Variants in CASTOR2 observed in about 807,000 individuals in gnomAD.
CASTOR2 encodes cytosolic arginine sensor for mTORC1 subunit 2, also known as GATS protein like 2.
Under a neutral mutation model 31.2 loss-of-function variants are expected in CASTOR2, and 8 were observed. That is an observed-to-expected ratio of 0.26 (90% CI 0.15 to 0.46). CASTOR2 has a LOEUF of 0.46. CASTOR2 is among the 20% of genes least tolerant of loss of function. The pLI is 0.99. For synonymous variants in CASTOR2, 162 were observed against 158.7 expected (o/e 1.02, Z -0.16); for missense variants, 216 against 382.1 (o/e 0.57, Z 3.62).
Position 75,024,740 on chromosome 7 carries a change from G to T in CASTOR2, c.*41G>T, listed in dbSNP as rs1396555447. On this transcript the variant is annotated 3_prime_UTR_variant, in exon 9 of 9. Transcript: ENST00000616305. ...TCCTCCCTGCCGCCGCCCGGGCCCA[G>T]CCCTAACCCTGAAGATTGATCTTGC... 9 of 1,551,562 alleles carry T rather than the reference G, an allele frequency of 5.8e-6. No homozygotes were observed. The highest frequency in any genetic ancestry group is 7.8e-6 in the Non-Finnish European group (9 of 1,146,842).
chr7:74,998,077 C>T (rs1210510230), intron 1 of CASTOR2, among the ~76,000 whole-genome samples: 1 of 151,942 alleles, frequency 6.6e-6, no homozygotes, highest in Non-Finnish European at 1.5e-5. Flanking sequence ...TGCTACAAGT[C>T]CCCCCTGCCT....
At chr7:74,999,122 A>C (rs1327241729) in intron 1 of CASTOR2, among the ~76,000 whole-genome samples, 1 of 151,788 alleles carries the variant, frequency 6.6e-6, no homozygotes, top group Non-Finnish European at 1.5e-5. Flanking sequence ...CAGCCTCCCG[A>C]GTAGCTGGGA....
At chr7:75,001,561 C>T (rs1251134429) in intron 1 of CASTOR2, among the ~76,000 whole-genome samples, 1 of 152,188 alleles carries the variant, frequency 6.6e-6, no homozygotes, top group Non-Finnish European at 1.5e-5. Flanking sequence ...GAACTGGAGA[C>T]CTTAGCTTCT....
intron 6 of CASTOR2, among the ~76,000 whole-genome samples, chr7:75,020,490 ATTT>A (rs587738996): frequency 5.9e-5 from 5 of 84,386 alleles, no homozygotes; most frequent in Non-Finnish European, 4.8e-5. Flanking sequence ...CTCAGGCGTG[ATTT>A]TTTTTTTTTT....
chr7:74,999,228 T>C lies in CASTOR2; in HGVS notation c.114-8766T>C, dbSNP rs1455384244. Among the ~76,000 whole-genome samples, 206 of 152,156 alleles carry C rather than the reference T, an allele frequency of 1.4e-3. 1 individual carries two copies. The highest frequency in any genetic ancestry group is 7.7e-3 in the Admixed American group (117 of 15,262). Reference sequence around the variant, plus strand: ...GGTTTAACCGTGTTAGCCAGGATGGTCTCGATCTCCTGACCTCGTGATCCA... The same window carrying C: ...GGTTTAACCGTGTTAGCCAGGATGGCCTCGATCTCCTGACCTCGTGATCCA... On this transcript the variant is annotated intron_variant, in intron 1 of 8. Transcript: ENST00000616305.
chr7:74,999,778 C>T (rs1244579848), intron 1 of CASTOR2, among the ~76,000 whole-genome samples: 4 of 151,962 alleles, frequency 2.6e-5, no homozygotes, highest in African/African-American at 7.3e-5. Flanking sequence ...CCACCATGCC[C>T]AGCTAATTTT....
rs1805091398 is a variant in CASTOR2, at chr7:75,025,111, G to T, written c.*412G>T. The stretch of plus-strand genomic sequence containing the variant: ...CACCTTGCAGGGCTGGGGCTGGCGG[G>T]GTGGGGCCGAGTTTGGGGTGCCCTG... On this transcript the variant is annotated 3_prime_UTR_variant, in exon 9 of 9. Transcript: ENST00000616305. Among the ~76,000 whole-genome samples the T allele has an allele frequency of 6.6e-6, 1 of 152,218 alleles. No homozygotes were observed. Among genetic ancestry groups the T allele is most frequent in the Non-Finnish European group, 1.5e-5 (1 of 68,036 alleles).
chr7:75,024,367 T>C, intron 7 of CASTOR2, 73 bp from the exon 8 acceptor site: 1 of 1,438,780 alleles, frequency 7.0e-7, no homozygotes, highest in Non-Finnish European at 9.6e-7. Context: ...CCACAGAGGG[T>C]AGAGGCTGAA....
intron 1 of CASTOR2, among the ~76,000 whole-genome samples, chr7:75,004,100 G>A (rs1179938153): frequency 1.3e-5 from 2 of 152,230 alleles, no homozygotes; most frequent in East Asian, 1.9e-4. Context: ...CGGGGCTCTC[G>A]GGCAGCTGGG....
chr7:74,997,438 T>C (rs1206726293), intron 1 of CASTOR2, among the ~76,000 whole-genome samples: 1 of 133,852 alleles, frequency 7.5e-6, no homozygotes, highest in Admixed American at 7.5e-5. Context: ...AAGCATTGCC[T>C]TTTTTTTTTT....
rs1376536441 is a variant in CASTOR2 at position 75,019,128 on chromosome 7, G to A, written c.635+33G>A. ...TGCCTTGGGCATGAGGGGTTGCAGG[G>A]TGGGCCAGGGAGAGGCATGGCTCCG... On this transcript the variant is annotated intron_variant, in intron 5 of 8. Transcript: ENST00000616305. 9.7e-6 allele frequency: 15 copies of A among 1,551,776 alleles called. No individual in the cohort carries two copies. In the East Asian group the frequency reaches 3.7e-4, roughly 38 times the overall value.
At chr7:75,011,309 G>A (rs1158874473) in intron 2 of CASTOR2, among the ~76,000 whole-genome samples, 1 of 151,514 alleles carries the variant, frequency 6.6e-6, no homozygotes, top group Non-Finnish European at 1.5e-5. Context: ...CATGCCTGTA[G>A]CTCCAGCTAC....
At position 75,025,507 on chromosome 7, in the gene CASTOR2, C is replaced by T. The variant is rs916039239; in HGVS notation, c.*808C>T. 1.3e-5 allele frequency among the ~76,000 whole-genome samples: 2 copies of T among 152,216 alleles called. No individual in the cohort carries two copies. Among genetic ancestry groups the T allele is most frequent in the Admixed American group, 6.5e-5 (1 of 15,282 alleles). On this transcript the variant is annotated 3_prime_UTR_variant, in exon 9 of 9. Coordinates refer to ENST00000616305, the MANE Select transcript of CASTOR2 (RefSeq NM_001145064.3). ...GGGCAGGTAGAGCCTCAGCTTCCCCCAGTAGGGACATCCCTGGCTTTCCAG... is the reference window on the plus strand; with the variant it reads ...GGGCAGGTAGAGCCTCAGCTTCCCCTAGTAGGGACATCCCTGGCTTTCCAG...
At chr7:75,015,728 T>TCTGGA (rs1804848301) in intron 2 of CASTOR2, among the ~76,000 whole-genome samples, 1 of 142,876 alleles carries the variant, frequency 7.0e-6, no homozygotes, top group Non-Finnish European at 1.6e-5. Flanking sequence ...CACTGAGCCT[T>TCTGGA]CCAGGTCCAG....
At chr7:75,018,682 G>A (rs1340734836) in intron 4 of CASTOR2, among the ~76,000 whole-genome samples, 1 of 152,264 alleles carries the variant, frequency 6.6e-6, no homozygotes, top group Non-Finnish European at 1.5e-5. Context: ...CCCTGGGCAG[G>A]GACTGTGGTG....
In CASTOR2 at chr7:75,026,337, G is replaced by A. The variant is rs1457078725; in HGVS notation, c.*1638G>A. Among the ~76,000 whole-genome samples the A allele has an allele frequency of 1.3e-5, 2 of 151,914 alleles. No homozygotes were observed. Among genetic ancestry groups the A allele is most frequent in the African/African-American group, 2.4e-5 (1 of 41,344 alleles). ...CCCAAGTAGCTGGGATTACAGGCAC[G>A]CACCACCACGTCTGGCTAGTTATTG... On this transcript the variant is annotated 3_prime_UTR_variant, in exon 9 of 9. Transcript: ENST00000616305.
chr7:75,011,741 A>C (rs1554439452), intron 2 of CASTOR2, among the ~76,000 whole-genome samples: 1 of 142,308 alleles, frequency 7.0e-6, no homozygotes, highest in African/African-American at 3.0e-5. Context: ...AAAAAAAAAA[A>C]AAAAACCAAA....
At chr7:74,973,227 CAG>C (rs1403971150) in intron 1 of CASTOR2, among the ~76,000 whole-genome samples, 1 of 149,688 alleles carries the variant, frequency 6.7e-6, no homozygotes, top group Admixed American at 6.7e-5. Flanking sequence ...ACCTGTAAAA[CAG>C]AGATGATGAT....
At chr7:74,991,636 G>T (rs1259291392) in intron 1 of CASTOR2, among the ~76,000 whole-genome samples, 43 of 152,284 alleles carry the variant, frequency 2.8e-4, no homozygotes, top group Middle Eastern at 3.4e-3. Flanking sequence ...CCCTAAGTAG[G>T]CACTGACGGT....
Sources: gnomAD v4.1 joint callset for allele counts (sites outside exome capture counted in the v4.1 genomes callset) on GRCh38, gnomAD v4.1.1 for gene constraint, MANE v1.5 for transcripts, NCBI Gene and HGNC (gene_info 2026-07-23, HGNC 2026-07-21) for gene names.